ERICH1: variants seen among roughly 807,000 people sequenced by gnomAD.
ERICH1 encodes glutamate rich 1.
A neutral mutation model predicts 39.6 loss-of-function variants in ERICH1; 56 were observed. The ratio of observed to expected loss-of-function variants is 1.41; its 90% CI spans 1.14 to 1.77. The LOEUF (loss-of-function observed/expected upper bound fraction) is 1.77, where lower values mean the gene tolerates loss of function less well. Among genes scored for constraint, ERICH1 ranks in the 40% most tolerant of loss-of-function variants. The pLI, the probability that ERICH1 is intolerant of heterozygous loss-of-function variation, is 0.00. For missense variants in ERICH1, 826 were observed against 575.4 expected, an observed-to-expected ratio of 1.44 and a Z score of -4.45; for synonymous variants, 313 against 223.6, an observed-to-expected ratio of 1.40 and a Z score of -3.57.
chr8:686,045 A>G (rs1272140894), intron 3 of ERICH1, among the ~76,000 whole-genome samples: 2 of 151,340 alleles, frequency 1.3e-5, no homozygotes, highest in Non-Finnish European at 2.9e-5. Flanking sequence ...CTGTGGTCCC[A>G]GCTTCTCGGG....
intron 3 of ERICH1, among the ~76,000 whole-genome samples, chr8:634,203 T>C (rs77996751): frequency 0.025 from 2,646 of 106,394 alleles, 68 homozygotes; most frequent in African/African-American, 0.092. Context: ...AAAAAAACCC[T>C]GATTCAAAAA....
At chr8:721,437 G>C (rs114658733) in intron 1 of ERICH1, among the ~76,000 whole-genome samples, 1 of 152,184 alleles carries the variant, frequency 6.6e-6, no homozygotes, top group Admixed American at 6.5e-5. Context: ...GAGACCTCAC[G>C]GACACGGCGC....
intron 2 of ERICH1, 88 bp downstream of exon 2, chr8:715,773 C>T: frequency 6.6e-7 from 1 of 1,518,444 alleles, no homozygotes. Context: ...ATGCCCGAGG[C>T]CCAAAAGACA....
chr8:653,508 A>C (rs1195557840), intron 3 of ERICH1, among the ~76,000 whole-genome samples: 2 of 151,856 alleles, frequency 1.3e-5, no homozygotes, highest in African/African-American at 4.9e-5. Context: ...AGTTTTATAT[A>C]TCACTTCCCC....
chr8:622,875 T>A (rs543090877), intron 3 of ERICH1, among the ~76,000 whole-genome samples: 1 of 152,028 alleles, frequency 6.6e-6, no homozygotes, highest in East Asian at 1.9e-4. Flanking sequence ...GAAGGATTGC[T>A]TGAGCCCAGG....
In ERICH1 at chr8:630,073, T is replaced by C. The variant is rs373891449; in HGVS notation, c.977-14789A>G. Among the ~76,000 whole-genome samples the C allele has an allele frequency of 9.6e-3, 718 of 74,948 alleles. 3 individuals carry two copies. The highest frequency in any genetic ancestry group is 0.02 in the African/African-American group (291 of 14,794). 49.2% of individuals were successfully genotyped at this position (74,948 alleles called of 152,430 possible). A position where few individuals can be genotyped will look rare whatever the true frequency, so the allele number is the denominator to read the frequency against. On this transcript the variant is annotated intron_variant, in intron 3 of 3. Coordinates refer to the ERICH1 transcript ENST00000522706. ...CAGACAGAGCTGACTCACACCCTCC[T>C]GTGAGCACCCACACAGACAGAGCTG...
At chr8:701,962 C>T (rs938645426) in intron 2 of ERICH1, among the ~76,000 whole-genome samples, 1 of 150,430 alleles carries the variant, frequency 6.6e-6, no homozygotes, top group Admixed American at 6.7e-5. Context: ...TGGTGGCGGG[C>T]GCTACTCGGG....
At chr8:617,755 T>A (rs190457468) in intron 3 of ERICH1, among the ~76,000 whole-genome samples, 138 of 150,786 alleles carry the variant, frequency 9.2e-4, no homozygotes, top group African/African-American at 3.2e-3. Flanking sequence ...CAGTCTGTCC[T>A]CACTGTCCTC....
chr8:616,617 GGA>G (rs1173029728), intron 3 of ERICH1: 11 of 455,456 alleles, frequency 2.4e-5, no homozygotes, highest in African/African-American at 2.2e-4. Flanking sequence ...GAGTGAGTGG[GGA>G]GAGGGAGGCA....
intron 2 of ERICH1, among the ~76,000 whole-genome samples, chr8:702,755 C>T (rs980962685): frequency 7.2e-5 from 11 of 152,330 alleles, no homozygotes; most frequent in African/African-American, 1.4e-4. Context: ...TGCCAAGACC[C>T]GCCAAAGTGG....
At chr8:701,275 C>T (rs1174698468) in intron 2 of ERICH1, among the ~76,000 whole-genome samples, 6 of 151,668 alleles carry the variant, frequency 4.0e-5, no homozygotes, top group Non-Finnish European at 7.4e-5. Flanking sequence ...GCCGTACCCA[C>T]GGGTCTGCCC....
intron 1 of ERICH1, among the ~76,000 whole-genome samples, chr8:724,155 T>C (rs1177148140): frequency 1.3e-5 from 2 of 152,094 alleles, no homozygotes; most frequent in African/African-American, 2.4e-5. Context: ...GATCCTCACG[T>C]AGGAGGTGAA....
chr8:718,846 C>T (rs1007692664), intron 1 of ERICH1, among the ~76,000 whole-genome samples: 5 of 152,208 alleles, frequency 3.3e-5, no homozygotes, highest in Admixed American at 1.3e-4. Context: ...AGGTGCCACA[C>T]GAGCAGATTC....
chr8:664,028 G>C (rs1801821868), downstream of ERICH1, among the ~76,000 whole-genome samples: 1 of 152,194 alleles, frequency 6.6e-6, no homozygotes, highest in Non-Finnish European at 1.5e-5. Flanking sequence ...CAAAGTGCCA[G>C]GATTACAGGC....
intron 2 of ERICH1, among the ~76,000 whole-genome samples, chr8:708,666 G>C (rs889254806): frequency 8.0e-6 from 1 of 124,330 alleles, no homozygotes; most frequent in African/African-American, 2.8e-5. Flanking sequence ...GGGCTGAGTG[G>C]TTACGGGATA....
chr8:619,175 G>C (rs1797120316), intron 3 of ERICH1, among the ~76,000 whole-genome samples: 1 of 152,006 alleles, frequency 6.6e-6, no homozygotes, highest in African/African-American at 2.4e-5. Flanking sequence ...CTGGCCACCT[G>C]TGTTGCCCAC....
intron 1 of ERICH1, among the ~76,000 whole-genome samples, chr8:724,747 G>A (rs1343871095): frequency 6.6e-6 from 1 of 152,176 alleles, no homozygotes; most frequent in East Asian, 1.9e-4. Context: ...CCTGAATTCA[G>A]CCCAAAGAAC....
At chr8:678,246 T>G (rs1331337605) in intron 3 of ERICH1, among the ~76,000 whole-genome samples, 2 of 152,154 alleles carry the variant, frequency 1.3e-5, no homozygotes, top group African/African-American at 4.8e-5. Context: ...TCCTCCCAAT[T>G]TCTCTGATTT....
At position 664,576 on chromosome 8, in the gene ERICH1, G is replaced by C; in HGVS notation, c.*27C>G. The C allele has an allele frequency of 6.3e-7, 1 of 1,586,660 alleles. No homozygotes were observed. Among genetic ancestry groups the C allele is most frequent in the African/African-American group, 1.4e-5 (1 of 73,838 alleles). On this transcript the variant is annotated 3_prime_UTR_variant, in exon 6 of 6. Transcript: ENST00000262109. ...TCTTTTAAGTTTTTTTGTTAAAGAG[G>C]AGCTGTTCTTAAAGAGATATTCCAT...
Sources: allele counts gnomAD v4.1 joint callset (sites outside exome capture counted in the v4.1 genomes callset), GRCh38; gene constraint gnomAD v4.1.1; transcripts MANE v1.5; gene names NCBI Gene and HGNC (gene_info 2026-07-23, HGNC 2026-07-21).